Variants in UBOX5 observed in about 807,000 individuals in gnomAD.
UBOX5 encodes the protein U-box domain containing 5, also known as RING finger protein 37.
In UBOX5, 28 loss-of-function variants were observed where a neutral mutation model predicts 39.0. That is an observed-to-expected ratio of 0.72 (90% CI 0.53 to 0.98). UBOX5 has a LOEUF of 0.98. UBOX5 is among the 50% of genes least tolerant of loss of function. The pLI is 0.00. For missense variants in UBOX5, 585 were observed against 674.4 expected (o/e 0.87, Z 1.47); for synonymous variants, 283 against 275.5 (o/e 1.03, Z -0.27).
At chr20:3,115,005 T>C (rs1479262143) in intron 4 of UBOX5, among the ~76,000 whole-genome samples, 1 of 151,856 alleles carries the variant, frequency 6.6e-6, no homozygotes, top group Non-Finnish European at 1.5e-5. Flanking sequence ...CAGGAGAAAA[T>C]AATTAACATT....
chr20:3,111,309 C>T (rs1337043048), intron 4 of UBOX5, among the ~76,000 whole-genome samples: 1 of 152,072 alleles, frequency 6.6e-6, no homozygotes, highest in South Asian at 2.1e-4. Flanking sequence ...TTTCTTAACC[C>T]CCCTTCTCTC....
At chr20:3,128,277 G>T (rs2066405000) in intron 1 of UBOX5, among the ~76,000 whole-genome samples, 1 of 152,158 alleles carries the variant, frequency 6.6e-6, no homozygotes, top group Non-Finnish European at 1.5e-5. Context: ...CTGTCGGTTT[G>T]TTTTAAATGT....
At position 3,155,373 on chromosome 20, in the gene UBOX5, T is replaced by C. The variant is rs146384110; in HGVS notation, c.-42+4393A>G. Among the ~76,000 whole-genome samples, 141 of 152,110 alleles carry C rather than the reference T, an allele frequency of 9.3e-4. No individual in the cohort carries two copies. In the East Asian group the frequency reaches 0.026, roughly 28 times the overall value. On this transcript the variant is annotated intron_variant, in intron 1 of 4. Coordinates refer to ENST00000217173, the MANE Select transcript of UBOX5 (RefSeq NM_014948.4). ...GGCGAAACCACGTCTCTCCTAAAAATACAAAAAATTAGCCAGGCATGGTGG... is the reference window on the plus strand; with the variant it reads ...GGCGAAACCACGTCTCTCCTAAAAACACAAAAAATTAGCCAGGCATGGTGG...
chr20:3,140,916 ATTT>A (rs11365728), intron 1 of UBOX5, among the ~76,000 whole-genome samples: 10 of 112,002 alleles, frequency 8.9e-5, no homozygotes, highest in East Asian at 2.6e-4. Context: ...GGGTTGCCAG[ATTT>A]TTTTTTTTTT....
At chr20:3,143,070 A>G (rs1480715043) in intron 1 of UBOX5, among the ~76,000 whole-genome samples, 4 of 149,542 alleles carry the variant, frequency 2.7e-5, no homozygotes, top group Non-Finnish European at 5.9e-5. Context: ...AATGAATATT[A>G]AGCACAATAG....
At chr20:3,140,763 T>C (rs1379049678) in intron 1 of UBOX5, among the ~76,000 whole-genome samples, 1 of 152,078 alleles carries the variant, frequency 6.6e-6, no homozygotes, top group Non-Finnish European at 1.5e-5. Context: ...TGCAGGTTTG[T>C]TACCTGGGTA....
Position 3,143,122 on chromosome 20 carries a change from T to C in UBOX5, c.-42+16644A>G, listed in dbSNP as rs999973822. Reference sequence around the variant, plus strand: ...CTTTTTTTTTTTTTTTTTTTTTTTTTTGAGACAGAGTCTCTGGCTCTGTTA... The same window carrying C: ...CTTTTTTTTTTTTTTTTTTTTTTTTCTGAGACAGAGTCTCTGGCTCTGTTA... On this transcript the variant is annotated intron_variant, in intron 1 of 4. Coordinates refer to ENST00000217173, the MANE Select transcript of UBOX5 (RefSeq NM_014948.4). 1.2e-4 allele frequency among the ~76,000 whole-genome samples: 13 copies of C among 110,898 alleles called. 1 individual carries two copies. Among genetic ancestry groups the C allele is most frequent in the African/African-American group, 4.2e-4 (13 of 31,236 alleles). The allele number at this position is 110,898 out of a possible 152,430, so 72.8% of individuals were successfully genotyped here.
chr20:3,113,557 G>A (rs1005385371), intron 4 of UBOX5, among the ~76,000 whole-genome samples: 2 of 152,150 alleles, frequency 1.3e-5, no homozygotes, highest in African/African-American at 4.8e-5. Flanking sequence ...GCTACTGCAG[G>A]AGTCTGGGAG....
At chr20:3,125,952 C>T (rs149883360) in intron 1 of UBOX5, among the ~76,000 whole-genome samples, 2,730 of 152,338 alleles carry the variant, frequency 0.018, 54 homozygotes, top group Non-Finnish European at 0.026. Context: ...TCTGCCTGGC[C>T]GCTGTGCAAT....
At chr20:3,156,543 GCCC>G in intron 1 of UBOX5, 1 of 152,122 alleles carries the variant, frequency 6.6e-6, no homozygotes, top group East Asian at 1.9e-4. Context: ...TAGTTTAAGT[GCCC>G]CAAGTATACC....
chr20:3,133,415 G>C (rs1421290129), intron 1 of UBOX5, among the ~76,000 whole-genome samples: 1 of 152,186 alleles, frequency 6.6e-6, no homozygotes, highest in Admixed American at 6.5e-5. Flanking sequence ...ACTTTCTCCA[G>C]ATGTGGCATC....
At chr20:3,157,750 A>G (rs777509267) in intron 1 of UBOX5, among the ~76,000 whole-genome samples, 3 of 152,258 alleles carry the variant, frequency 2.0e-5, no homozygotes, top group African/African-American at 2.4e-5. Context: ...CACAGTCGTC[A>G]TAAGAGAAAA....
intron 2 of UBOX5, among the ~76,000 whole-genome samples, chr20:3,122,803 G>T (rs964591969): frequency 6.6e-6 from 1 of 152,082 alleles, no homozygotes; most frequent in Non-Finnish European, 1.5e-5. Flanking sequence ...GAGCAACTGA[G>T]CTGGGCATGT....
chr20:3,149,626 A>G lies in UBOX5; in HGVS notation c.-42+10140T>C, dbSNP rs2066604320. Among the ~76,000 whole-genome samples, 2 of 152,236 alleles carry G rather than the reference A, an allele frequency of 1.3e-5. No homozygotes were observed. The highest frequency in any genetic ancestry group is 2.1e-4 in the South Asian group (1 of 4,832). On this transcript the variant is annotated intron_variant, in intron 1 of 4. Transcript: ENST00000217173. This position sits in a 1 kb window ranked among gnomAD's most constrained non-coding sequence, Gnocchi z 4.1. ...GGAACAAAAGTGAGCAACTCCTTCC[A>G]TCTCTTTGATATCAAGGCAAACAGG...
chr20:3,112,217 T>C (rs62206125), intron 4 of UBOX5, among the ~76,000 whole-genome samples: 53 of 152,064 alleles, frequency 3.5e-4, no homozygotes, highest in Non-Finnish European at 6.5e-4. Flanking sequence ...TGCTTTTCAG[T>C]GGTGCCCCTT....
At chr20:3,136,102 C>T (rs1263636949) in intron 1 of UBOX5, 1 of 152,210 alleles carries the variant, frequency 6.6e-6, no homozygotes, top group East Asian at 1.9e-4. Context: ...CTTTTCTGTA[C>T]TACATGAGGG....
At chr20:3,136,350 AT>A (rs1260915066) in intron 1 of UBOX5, among the ~76,000 whole-genome samples, 1 of 150,258 alleles carries the variant, frequency 6.7e-6, no homozygotes, top group East Asian at 1.9e-4. Flanking sequence ...GAGATTGTTT[AT>A]TTTTATTTTT....
At position 3,112,442 on chromosome 20, in the gene UBOX5, A is replaced by T. The variant is rs2066261022; in HGVS notation, c.1418-2128T>A. ...TTTCAGTGACAGAAAAAAAAAAAAA[A>T]AAATCATCAAGGAAAAGACAATTAT... On this transcript the variant is annotated intron_variant, in intron 4 of 4. Transcript: ENST00000217173. Among the ~76,000 whole-genome samples, 3 of 152,202 alleles carry T rather than the reference A, an allele frequency of 2.0e-5. No individual in the cohort carries two copies. The South Asian group carries it at 6.2e-4, about 32-fold the overall frequency.
intron 4 of UBOX5, 58 bp from the exon 5 acceptor site, chr20:3,110,372 C>A: frequency 6.3e-7 from 1 of 1,596,748 alleles, no homozygotes; most frequent in Non-Finnish European, 8.6e-7. Flanking sequence ...ATGGTCCAGG[C>A]TGCTCTGAGG....
Sources: allele counts gnomAD v4.1 joint callset (sites outside exome capture counted in the v4.1 genomes callset), GRCh38; gene constraint gnomAD v4.1.1; non-coding constraint Gnocchi (gnomAD v3.1); transcripts MANE v1.5; gene names NCBI Gene and HGNC (gene_info 2026-07-23, HGNC 2026-07-21).